The following NOTUM variants were observed in gnomAD, a reference collection of about 807,000 sequenced individuals.
NOTUM encodes notum, palmitoleoyl-protein carboxylesterase, also known as palmitoleoyl-protein carboxylesterase NOTUM.
Under a neutral mutation model 65.5 loss-of-function variants are expected in NOTUM, and 36 were observed. That is an observed-to-expected ratio of 0.55 (90% CI 0.42 to 0.73). The LOEUF (loss-of-function observed/expected upper bound fraction) is 0.73, where lower values mean the gene tolerates loss of function less well. Among genes scored for constraint, NOTUM ranks in the 30% least tolerant of loss-of-function variants. The pLI is 0.00. For synonymous variants in NOTUM, 356 were observed against 297.9 expected (o/e 1.20, Z -2.01); for missense variants, 659 against 694.2 (o/e 0.95, Z 0.57).
In NOTUM at chr17:81,958,842, G is replaced by C. The variant is rs528554525; in HGVS notation, c.533+93C>G. On this transcript the variant is annotated intron_variant, in intron 4 of 10. Coordinates refer to ENST00000409678, the MANE Select transcript of NOTUM (RefSeq NM_178493.6). ...CATCCAGAACAGGACCCCCAGGAAA[G>C]ACCATTTCAGAATATGACTTCCCAA... is the stretch of plus-strand genomic sequence containing the variant. 5.2e-6 allele frequency: 5 copies of C among 955,304 alleles called. No individual in the cohort carries two copies. In the African/African-American group the frequency reaches 6.4e-5, roughly 12 times the overall value. The allele number at this position is 955,304 out of a possible 1,614,324, so 59.2% of individuals were successfully genotyped here.
Position 81,952,880 on chromosome 17 carries a change from C to A in NOTUM, c.*81G>T. 6 of 1,265,704 alleles carry A rather than the reference C, an allele frequency of 4.7e-6. No individual in the cohort carries two copies. The highest frequency in any genetic ancestry group is 6.8e-6 in the Non-Finnish European group (6 of 884,440). The allele number at this position is 1,265,704 out of a possible 1,614,324, so 78.4% of individuals were successfully genotyped here. A position where few individuals can be genotyped will look rare whatever the true frequency, so the allele number is the denominator to read the frequency against. ...GCCCTGTCCCGAAGAGACGGGAGGG[C>A]CTGCTGGTGGGGGGTGAGGTGGCAC... On this transcript the variant is annotated 3_prime_UTR_variant, in exon 11 of 11. Transcript: ENST00000409678.
Position 81,953,119 on chromosome 17 carries a change from AG to A in NOTUM, c.1332del (p.Cys445AlafsTer17). 6.2e-7 allele frequency: 1 copy of A among 1,613,622 alleles called. No homozygotes were observed. The highest frequency in any genetic ancestry group is 8.5e-7 in the Non-Finnish European group (1 of 1,179,768). On this transcript the variant is annotated frameshift_variant, in exon 11 of 11. Coordinates refer to ENST00000409678, the MANE Select transcript of NOTUM (RefSeq NM_178493.6). LOFTEE classifies it high-confidence loss of function. ...VHLVDSCPWP[H>X]CNPSCPTVRD... ...CGGACGGTGGGGCATGAGGGGTTGC[AG>A]TGGGGCCAGGGGCAGCTGTCCACCA...
rs2041463540 is a variant in NOTUM at position 81,960,135 on chromosome 17, C to T, written c.324-443G>A. ...GAGCCCCGACCCCACGCCCAAGTCT[C>T]CCGCTGTCCCCGGCTGTCCTCGGCC... On this transcript the variant is annotated intron_variant, in intron 1 of 10. Coordinates refer to ENST00000409678, the MANE Select transcript of NOTUM (RefSeq NM_178493.6). This position sits in a 1 kb window ranked among gnomAD's most constrained non-coding sequence, Gnocchi z 6.4. Among the ~76,000 whole-genome samples the T allele has an allele frequency of 6.6e-6, 1 of 152,128 alleles. No homozygotes were observed. Among genetic ancestry groups the T allele is most frequent in the Non-Finnish European group, 1.5e-5 (1 of 67,948 alleles).
intron 6 of NOTUM, among the ~76,000 whole-genome samples, chr17:81,957,300 T>TCTCCCCTTCCTC (rs955131359): frequency 1.3e-5 from 2 of 152,200 alleles, no homozygotes; most frequent in African/African-American, 2.4e-5. Context: ...ACAGCCAGGC[T>TCTCCCCTTCCTC]CTCCCCTTCC....
At chr17:81,959,417 C>T (rs2041457223) in intron 3 of NOTUM, 54 bp downstream of exon 3, 1 of 1,376,706 alleles carries the variant, frequency 7.3e-7, no homozygotes, top group Non-Finnish European at 1.0e-6. Flanking sequence ...GAGGCGGGCG[C>T]GGCTTCCTCC....
chr17:81,958,522 G>C (rs1314474713), intron 4 of NOTUM, 129 bp from the exon 5 acceptor site: 5 of 677,270 alleles, frequency 7.4e-6, no homozygotes, highest in Non-Finnish European at 1.3e-5. Context: ...ACCATCCCAG[G>C]ATAGAACTTC....
chr17:81,957,117 GCACTCACC>G (rs1444047785), intron 6 of NOTUM, 43 bp from the exon 7 acceptor site: 2 of 1,525,926 alleles, frequency 1.3e-6, no homozygotes, highest in African/African-American at 2.7e-5. Flanking sequence ...CTGGGAAGAG[GCACTCACC>G]TCCCCCGAGT....
At position 81,960,457 on chromosome 17, in the gene NOTUM, G is replaced by T; in HGVS notation, c.323+130C>A. ...GTCACCGAACCGGGCACTCCTCGGG[G>T]CCAGGACCGCGGGGCGCCCGACGGA... On this transcript the variant is annotated intron_variant, in intron 1 of 10. Coordinates refer to ENST00000409678, the MANE Select transcript of NOTUM (RefSeq NM_178493.6). The surrounding 1 kb of genome is among the most constrained non-coding windows in gnomAD (Gnocchi z 6.4). The T allele has an allele frequency of 1.6e-6, 1 of 628,894 alleles. No homozygotes were observed. Among genetic ancestry groups the T allele is most frequent in the Non-Finnish European group, 2.6e-6 (1 of 387,382 alleles). The allele number at this position is 628,894 out of a possible 1,614,324, so 39.0% of individuals were successfully genotyped here.
At chr17:81,956,495 G>A (rs775796766) in intron 8 of NOTUM, among the ~76,000 whole-genome samples, 155 bp downstream of exon 8, 10 of 152,022 alleles carry the variant, frequency 6.6e-5, no homozygotes, top group Admixed American at 3.3e-4. Context: ...GTACACAGCC[G>A]GCCTCCTCCC....
Position 81,952,760 on chromosome 17 carries a change from G to A in NOTUM, c.*201C>T. The A allele has an allele frequency of 1.7e-6, 1 of 596,830 alleles. No individual in the cohort carries two copies. Among genetic ancestry groups the A allele is most frequent in the South Asian group, 2.0e-5 (1 of 50,658 alleles). The allele number at this position is 596,830 out of a possible 1,614,324, so 37.0% of individuals were successfully genotyped here. A position where few individuals can be genotyped will look rare whatever the true frequency, so the allele number is the denominator to read the frequency against. Reference sequence around the variant, plus strand: ...CCCCAGGCCACAGATGGGGATGACAGCAGGTCCCTTGTCTCTGGCTGGGCT... The same window carrying A: ...CCCCAGGCCACAGATGGGGATGACAACAGGTCCCTTGTCTCTGGCTGGGCT... On this transcript the variant is annotated 3_prime_UTR_variant, in exon 11 of 11. Coordinates refer to ENST00000409678, the MANE Select transcript of NOTUM (RefSeq NM_178493.6).
At position 81,960,157 on chromosome 17, in the gene NOTUM, G is replaced by C. The variant is rs2041463776; in HGVS notation, c.323+430C>G. On this transcript the variant is annotated intron_variant, in intron 1 of 10. Coordinates refer to ENST00000409678, the MANE Select transcript of NOTUM (RefSeq NM_178493.6). The surrounding 1 kb of genome is among the most constrained non-coding windows in gnomAD (Gnocchi z 6.4). ...TCTCCCGCTGTCCCCGGCTGTCCTC[G>C]GCCTGTTGAGCGCGTGGGCGGCCCC... Among the ~76,000 whole-genome samples, 2 of 152,008 alleles carry C rather than the reference G, an allele frequency of 1.3e-5. No homozygotes were observed. The highest frequency in any genetic ancestry group is 1.3e-4 in the Admixed American group (2 of 15,276).
chr17:81,959,775 C>A (rs2041460281), intron 1 of NOTUM, 83 bp from the exon 2 acceptor site: 3 of 826,198 alleles, frequency 3.6e-6, no homozygotes, highest in Non-Finnish European at 4.9e-6. Context: ...GCGGAGGGAA[C>A]GCGCCACCTG....
rs2041449338 is a variant in NOTUM, at chr17:81,958,402, C to G, written c.534-9G>C. 6.2e-7 allele frequency: 1 copy of G among 1,603,994 alleles called. No individual in the cohort carries two copies. The highest frequency in any genetic ancestry group is 1.3e-5 in the African/African-American group (1 of 74,902). On this transcript the variant is annotated splice_polypyrimidine_tract_variant and intron_variant, in intron 4 of 10. Transcript: ENST00000409678. ...AGCAGTAGGGGATGAAGCTGCAACA[C>G]AGAACAGAGTGAGCCTGTCACAGCG...
At chr17:81,958,801 A>G in intron 4 of NOTUM, 134 bp downstream of exon 4, 2 of 684,328 alleles carry the variant, frequency 2.9e-6, no homozygotes, top group Middle Eastern at 2.4e-4. Flanking sequence ...CTAGGACAGG[A>G]CCTCCCCAAA....
chr17:81,958,857 T>C (rs2143947511), intron 4 of NOTUM, 78 bp downstream of exon 4: 2 of 1,089,564 alleles, frequency 1.8e-6, no homozygotes. Flanking sequence ...TTTCAGAATA[T>C]GACTTCCCAA....
chr17:81,958,483 C>G, intron 4 of NOTUM, 90 bp from the exon 5 acceptor site: 1 of 854,994 alleles, frequency 1.2e-6, no homozygotes, highest in Non-Finnish European at 2.0e-6. Context: ...TCAGAAAAGA[C>G]CATCCCAGGA....
Position 81,960,528 on chromosome 17 carries a change from G to T in NOTUM, c.323+59C>A. ...AGAACGGCCGCGGCCCGCAGGGAAGGTCCAGCCGGAGACCGGGCGCGTCGG... is the reference window on the plus strand; with the variant it reads ...AGAACGGCCGCGGCCCGCAGGGAAGTTCCAGCCGGAGACCGGGCGCGTCGG... On this transcript the variant is annotated intron_variant, in intron 1 of 10. Transcript: ENST00000409678. This position sits in a 1 kb window ranked among gnomAD's most constrained non-coding sequence, Gnocchi z 6.4. The T allele has an allele frequency of 8.0e-7, 1 of 1,246,590 alleles. No homozygotes were observed. Among genetic ancestry groups the T allele is most frequent in the Non-Finnish European group, 1.1e-6 (1 of 925,228 alleles). The allele number at this position is 1,246,590 out of a possible 1,614,324, so 77.2% of individuals were successfully genotyped here.
At position 81,960,491 on chromosome 17, in the gene NOTUM, C is replaced by G; in HGVS notation, c.323+96G>C. The G allele has an allele frequency of 2.2e-6, 2 of 895,834 alleles. No homozygotes were observed. Among genetic ancestry groups the G allele is most frequent in the Middle Eastern group, 3.3e-4 (1 of 3,004 alleles). 55.5% of individuals were successfully genotyped at this position (895,834 alleles called of 1,614,324 possible). ...GCGGGGCGCCCGACGGAAGCCCTTT[C>G]TCCCCGGGGAGAGAACGGCCGCGGC... On this transcript the variant is annotated intron_variant, in intron 1 of 10. Coordinates refer to ENST00000409678, the MANE Select transcript of NOTUM (RefSeq NM_178493.6). This position sits in a 1 kb window ranked among gnomAD's most constrained non-coding sequence, Gnocchi z 6.4.
rs758378199 is a variant in NOTUM, at chr17:81,953,039, G to A, written c.1413C>T (p.Gly471=). The A allele has an allele frequency of 8.7e-6, 14 of 1,614,054 alleles. No individual in the cohort carries two copies. Among genetic ancestry groups the A allele is most frequent in the Non-Finnish European group, 1.2e-5 (14 of 1,179,980 alleles). The change falls in exon 11 of 11, where the codon GGC becomes GGT. Residue 471 remains glycine (G), a synonymous_variant. Coordinates refer to ENST00000409678, the MANE Select transcript of NOTUM (RefSeq NM_178493.6). ...MNVAQFLMHM[G]FDMQTVAQPQ... ...GCTGGGCCACCGTCTGCATGTCGAA[G>A]CCCATGTGCATGAGGAACTGGGCCA...
Sources: gnomAD v4.1 joint callset for allele counts (sites outside exome capture counted in the v4.1 genomes callset) on GRCh38, gnomAD v4.1.1 for gene constraint, Gnocchi (gnomAD v3.1) non-coding constraint, MANE v1.5 for transcripts, NCBI Gene and HGNC (gene_info 2026-07-23, HGNC 2026-07-21) for gene names.